The following YAF2 variants were observed in gnomAD, a reference collection of about 807,000 sequenced individuals.
YAF2 encodes the protein YY1-associated factor 2.
Under a neutral mutation model 20.1 loss-of-function variants are expected in YAF2, and 7 were observed. That is an observed-to-expected ratio of 0.35 (90% CI 0.20 to 0.65). The LOEUF (loss-of-function observed/expected upper bound fraction) is 0.65. Ranked by LOEUF, YAF2 falls within the 30% of genes least tolerant of loss-of-function variation. The probability of loss-of-function intolerance (pLI) is 0.69; values close to 1 mark genes in which losing one functional copy is unlikely to be tolerated. For missense variants in YAF2, 151 were observed against 219.2 expected (o/e 0.69, Z 1.96); for synonymous variants, 74 against 76.0 (o/e 0.97, Z 0.14).
At chr12:42,234,453 A>T (rs1350379113) in intron 2 of YAF2, 1 of 979,426 alleles carries the variant, frequency 1.0e-6, no homozygotes, top group East Asian at 1.1e-4. Flanking sequence ...TCCCAATCCC[A>T]CCACTCTGCA....
intron 2 of YAF2, among the ~76,000 whole-genome samples, chr12:42,180,448 G>A (rs948088125): frequency 6.6e-6 from 1 of 152,086 alleles, no homozygotes; most frequent in Non-Finnish European, 1.5e-5. Context: ...TCCTCCTGTC[G>A]GGACCCTTGA....
At chr12:42,163,480 TTTG>T (rs1423550168) in intron 2 of YAF2, among the ~76,000 whole-genome samples, 1 of 152,214 alleles carries the variant, frequency 6.6e-6, no homozygotes, top group South Asian at 2.1e-4. Context: ...CCTAGTGTTG[TTTG>T]TTGTTATTTT....
chr12:42,176,211 CAAA>C (rs61068649), intron 2 of YAF2, among the ~76,000 whole-genome samples: 6 of 89,204 alleles, frequency 6.7e-5, no homozygotes, highest in Non-Finnish European at 7.5e-5. Flanking sequence ...GACTCTGTCT[CAAA>C]AAAAAAAAAA....
At chr12:42,234,653 G>A (rs1454481115) in intron 2 of YAF2, 1 of 984,370 alleles carries the variant, frequency 1.0e-6, no homozygotes, top group African/African-American at 1.7e-5. Flanking sequence ...TAAAGAATTT[G>A]AACTTAATAT....
At chr12:42,192,943 T>A (rs1301269853) in intron 2 of YAF2, among the ~76,000 whole-genome samples, 1 of 152,238 alleles carries the variant, frequency 6.6e-6, no homozygotes, top group Non-Finnish European at 1.5e-5. Flanking sequence ...GTAGCTGTCA[T>A]AACATCACAT....
intron 2 of YAF2, among the ~76,000 whole-genome samples, chr12:42,211,549 C>T (rs1296964864): frequency 2.0e-5 from 3 of 151,308 alleles, no homozygotes; most frequent in Non-Finnish European, 4.4e-5. Flanking sequence ...CCAGCCTGAC[C>T]AACATGGTAA....
chr12:42,221,403 T>G (rs2067507603), intron 2 of YAF2, among the ~76,000 whole-genome samples: 1 of 152,090 alleles, frequency 6.6e-6, no homozygotes, highest in African/African-American at 2.4e-5. Context: ...AGACCTCATC[T>G]CTACAAAAAA....
chr12:42,215,928 AAATAAAT>A, intron 2 of YAF2, among the ~76,000 whole-genome samples: 1 of 4,332 alleles, frequency 2.3e-4, no homozygotes, highest in Non-Finnish European at 4.5e-4. Context: ...CCAGCTCAAA[AAATAAAT>A]AAATAAATAA....
At chr12:42,162,895 GGACT>G (rs956317633) in intron 2 of YAF2, among the ~76,000 whole-genome samples, 1 of 152,098 alleles carries the variant, frequency 6.6e-6, no homozygotes, top group African/African-American at 2.4e-5. Flanking sequence ...TTAAAAAATA[GGACT>G]GACATAGAGT....
intron 2 of YAF2, among the ~76,000 whole-genome samples, chr12:42,182,406 A>T (rs1036727534): frequency 6.6e-6 from 1 of 152,240 alleles, no homozygotes; most frequent in Non-Finnish European, 1.5e-5. Context: ...TTATGTAATT[A>T]CAGACAATCT....
intron 2 of YAF2, among the ~76,000 whole-genome samples, chr12:42,175,772 T>TAAAAAAAAAAAA (rs1277338221): frequency 1.0e-4 from 9 of 88,886 alleles, no homozygotes; most frequent in Non-Finnish European, 1.9e-4. Flanking sequence ...AAAAAAAAAT[T>TAAAAAAAAAAAA]AAAACAGGAA....
Position 42,160,284 on chromosome 12 carries a change from A to G in YAF2, c.*305T>C. 3.7e-6 allele frequency: 1 copy of G among 269,786 alleles called. No individual in the cohort carries two copies. The highest frequency in any genetic ancestry group is 7.0e-6 in the Non-Finnish European group (1 of 142,188). 16.7% of individuals were successfully genotyped at this position (269,786 alleles called of 1,614,324 possible). On this transcript the variant is annotated 3_prime_UTR_variant, in exon 4 of 4. Transcript: ENST00000534854. ...ACATGCCAATAGTAGAGAATTCAAG[A>G]ATTATGTGTTAGAATTCACTAAACT...
chr12:42,188,383 C>CT (rs765727694), intron 2 of YAF2, among the ~76,000 whole-genome samples: 6,811 of 118,826 alleles, frequency 0.057, 377 homozygotes, highest in East Asian at 0.14. Flanking sequence ...ATATATTTTG[C>CT]TTTTTTTTTT....
At chr12:42,192,230 G>A (rs890226736) in intron 2 of YAF2, among the ~76,000 whole-genome samples, 1 of 151,744 alleles carries the variant, frequency 6.6e-6, no homozygotes, top group African/African-American at 2.4e-5. Flanking sequence ...GATTTTGGCT[G>A]AGCATCGTGG....
chr12:42,214,150 T>C (rs570540894), intron 2 of YAF2, among the ~76,000 whole-genome samples: 1 of 152,360 alleles, frequency 6.6e-6, no homozygotes, highest in South Asian at 2.1e-4. Flanking sequence ...ACCCACTTGC[T>C]CACCTTCATC....
At chr12:42,161,877 A>G (rs2065806935) in intron 2 of YAF2, 112 bp from the exon 3 acceptor site, 1 of 999,052 alleles carries the variant, frequency 1.0e-6, no homozygotes. Context: ...ACTTTCAAGT[A>G]TAAAAATTCC....
chr12:42,235,511 G>A, intron 2 of YAF2: 3 of 1,286,536 alleles, frequency 2.3e-6, no homozygotes, highest in South Asian at 3.2e-5. Context: ...AGATAACAGA[G>A]AAATTAGAGC....
intron 2 of YAF2, chr12:42,235,716 T>A (rs778467174): frequency 1.3e-6 from 2 of 1,534,060 alleles, no homozygotes; most frequent in South Asian, 1.2e-5. Flanking sequence ...CAAGTAATGT[T>A]TCCACCACTA....
chr12:42,188,437 G>A (rs2137085105), intron 2 of YAF2, among the ~76,000 whole-genome samples: 1 of 146,606 alleles, frequency 6.8e-6, no homozygotes, highest in Admixed American at 6.9e-5. Flanking sequence ...CCAGGCTGGA[G>A]TGCAGTGGTA....
Sources: allele counts gnomAD v4.1 joint callset (sites outside exome capture counted in the v4.1 genomes callset), GRCh38; gene constraint gnomAD v4.1.1; transcripts MANE v1.5; gene names NCBI Gene and HGNC (gene_info 2026-07-23, HGNC 2026-07-21).